The following CBX7 variants were observed in gnomAD, a reference collection of about 807,000 sequenced individuals.
The protein encoded by CBX7 is chromobox 7.
Under a neutral mutation model 31.4 loss-of-function variants are expected in CBX7, and 14 were observed. The observed-to-expected ratio is 0.45, with a 90% CI of 0.29 to 0.70. The LOEUF (loss-of-function observed/expected upper bound fraction) is 0.70. Among genes scored for constraint, CBX7 ranks in the 30% least tolerant of loss-of-function variants. The pLI is 0.11. For synonymous variants in CBX7, 159 were observed against 152.6 expected, an observed-to-expected ratio of 1.04 and a Z score of -0.31; for missense variants, 269 against 351.9, an observed-to-expected ratio of 0.76 and a Z score of 1.89.
At position 39,132,497 on chromosome 22, in the gene CBX7, A is replaced by C. The variant is rs1601552826; in HGVS notation, c.*1394T>G. On this transcript the variant is annotated 3_prime_UTR_variant, in exon 6 of 6. Transcript: ENST00000216133. ...GAGAAGTCACTCCTCACTGGCAGGG[A>C]AGCCACGGGCCCCCAGGACACCTTG... 1 of 152,440 alleles carries C rather than the reference A, an allele frequency of 6.6e-6. No individual in the cohort carries two copies. The highest frequency in any genetic ancestry group is 2.4e-5 in the African/African-American group (1 of 41,470). The allele number at this position is 152,440 out of a possible 1,614,324, so 9.4% of individuals were successfully genotyped here. A position where few individuals can be genotyped will look rare whatever the true frequency, so the allele number is the denominator to read the frequency against.
At chr22:39,139,906 G>A (rs1220224226) in intron 3 of CBX7, among the ~76,000 whole-genome samples, 5 of 151,842 alleles carry the variant, frequency 3.3e-5, no homozygotes, top group African/African-American at 1.2e-4. Context: ...CTCCAGCCTG[G>A]GAGACAGGGT....
chr22:39,139,510 G>A (rs909584438), intron 3 of CBX7, among the ~76,000 whole-genome samples: 6 of 152,080 alleles, frequency 3.9e-5, no homozygotes, highest in Admixed American at 6.5e-5. Flanking sequence ...AGACCATCCA[G>A]GCTAACACAG....
At chr22:39,138,573 G>A (rs1930338549) in intron 4 of CBX7, 63 bp downstream of exon 4, 10 of 1,468,896 alleles carry the variant, frequency 6.8e-6, no homozygotes, top group Non-Finnish European at 7.6e-6. Flanking sequence ...AATGCACCAA[G>A]GGGCAGAGGG....
chr22:39,136,948 T>A (rs1010189824), intron 4 of CBX7, among the ~76,000 whole-genome samples: 4 of 152,202 alleles, frequency 2.6e-5, no homozygotes. Flanking sequence ...AAAGCCTCCA[T>A]GGGTTTTAAT....
intron 2 of CBX7, among the ~76,000 whole-genome samples, chr22:39,145,988 G>A (rs1930648571): frequency 6.6e-6 from 1 of 152,156 alleles, no homozygotes; most frequent in Non-Finnish European, 1.5e-5. Context: ...CGGCCTTGGG[G>A]CAGGTGGAAC....
chr22:39,138,006 C>G (rs1259662431), intron 4 of CBX7, among the ~76,000 whole-genome samples: 1 of 151,992 alleles, frequency 6.6e-6, no homozygotes, highest in African/African-American at 2.4e-5. Flanking sequence ...ACGGTGAAAC[C>G]CCGTCTCTGC....
At chr22:39,137,430 C>T (rs1930293557) in intron 4 of CBX7, among the ~76,000 whole-genome samples, 1 of 152,086 alleles carries the variant, frequency 6.6e-6, no homozygotes, top group South Asian at 2.1e-4. Context: ...CTCCCTGCAA[C>T]CTCCACCTCC....
Position 39,133,630 on chromosome 22 carries a change from G to A in CBX7, c.*261C>T. The A allele has an allele frequency of 2.8e-6, 1 of 351,510 alleles. No homozygotes were observed. The highest frequency in any genetic ancestry group is 6.5e-5 in the South Asian group (1 of 15,420). 21.8% of individuals were successfully genotyped at this position (351,510 alleles called of 1,614,324 possible). ...GAGAATGATAATGGTGGTGTCCCGG[G>A]CAGGTGATCCTGTCCCCATCCTGCC... On this transcript the variant is annotated 3_prime_UTR_variant, in exon 6 of 6. Transcript: ENST00000216133.
chr22:39,140,959 C>A (rs1443396302), intron 3 of CBX7, among the ~76,000 whole-genome samples: 1 of 152,236 alleles, frequency 6.6e-6, no homozygotes, highest in African/African-American at 2.4e-5. Flanking sequence ...GAGACACCGT[C>A]TCTGATCTGT....
intron 2 of CBX7, among the ~76,000 whole-genome samples, chr22:39,143,325 A>T (rs1200607005): frequency 6.6e-6 from 1 of 151,974 alleles, no homozygotes; most frequent in Non-Finnish European, 1.5e-5. Flanking sequence ...AATAAATTAA[A>T]CTTTTTTAAA....
In CBX7 at chr22:39,140,737, G is replaced by C. The variant is rs879866498; in HGVS notation, c.179+634C>G. ...GACCTGGGCTGCCTGCTGGTGGGGG[G>C]GGCGGCCAGAGAGGGCACACAGAAC... On this transcript the variant is annotated intron_variant, in intron 3 of 5. Coordinates refer to ENST00000216133, the MANE Select transcript of CBX7 (RefSeq NM_175709.5). Among the ~76,000 whole-genome samples the C allele has an allele frequency of 6.2e-3, 945 of 152,322 alleles. 46 individuals are homozygous for C. Among genetic ancestry groups the C allele is most frequent in the Admixed American group, 0.057 (878 of 15,308 alleles).
intron 2 of CBX7, among the ~76,000 whole-genome samples, chr22:39,145,768 A>C (rs1029675275): frequency 1.1e-4 from 17 of 150,118 alleles, no homozygotes; most frequent in Non-Finnish European, 1.8e-4. Context: ...CGGCTCCGAG[A>C]TAAACACGGC....
Position 39,131,594 on chromosome 22 carries a change from C to T in CBX7, c.*2297G>A, listed in dbSNP as rs985758855. 6.6e-6 allele frequency: 1 copy of T among 152,316 alleles called. No individual in the cohort carries two copies. Among genetic ancestry groups the T allele is most frequent in the African/African-American group, 2.4e-5 (1 of 41,442 alleles). The allele number at this position is 152,316 out of a possible 1,614,324, so 9.4% of individuals were successfully genotyped here. ...AGGCCCACCCGTCCCAGGTCACACC[C>T]CTGGAGTTCAGCTCTCCCTGAGCCA... On this transcript the variant is annotated 3_prime_UTR_variant, in exon 6 of 6. Coordinates refer to ENST00000216133, the MANE Select transcript of CBX7 (RefSeq NM_175709.5).
At chr22:39,142,315 C>G (rs995687048) in intron 2 of CBX7, among the ~76,000 whole-genome samples, 1 of 152,172 alleles carries the variant, frequency 6.6e-6, no homozygotes, top group Non-Finnish European at 1.5e-5. Context: ...CAAACCCCAT[C>G]CCCATCCCCA....
chr22:39,146,480 G>A (rs1363090736), intron 2 of CBX7, among the ~76,000 whole-genome samples: 1 of 152,206 alleles, frequency 6.6e-6, no homozygotes, highest in African/African-American at 2.4e-5. Flanking sequence ...TTTGCCCTGG[G>A]TCACACAGCT....
rs1930898610 is a variant in CBX7, at chr22:39,152,484, C to T, written c.-40G>A. ...GAGCGGGCCCGGGGCCGGGCCGGGC[C>T]GGGGGCGGAGCTGCGGGGCCGCGGC... is the stretch of plus-strand genomic sequence containing the variant. On this transcript the variant is annotated 5_prime_UTR_variant, in exon 1 of 6. Coordinates refer to ENST00000216133, the MANE Select transcript of CBX7 (RefSeq NM_175709.5). This position sits in a 1 kb window ranked among gnomAD's most constrained non-coding sequence, Gnocchi z 4.9. 4 of 964,326 alleles carry T rather than the reference C, an allele frequency of 4.1e-6. No homozygotes were observed. In the South Asian group the frequency reaches 1.4e-4, roughly 34 times the overall value. The allele number at this position is 964,326 out of a possible 1,614,324, so 59.7% of individuals were successfully genotyped here.
At chr22:39,142,382 C>T (rs1335787011) in intron 2 of CBX7, among the ~76,000 whole-genome samples, 1 of 152,234 alleles carries the variant, frequency 6.6e-6, no homozygotes, top group Non-Finnish European at 1.5e-5. Context: ...CTGAAGTTCC[C>T]TTGTCTCTGG....
At chr22:39,150,808 G>A (rs1170590709) in intron 1 of CBX7, among the ~76,000 whole-genome samples, 1 of 152,168 alleles carries the variant, frequency 6.6e-6, no homozygotes, top group Admixed American at 6.5e-5. Context: ...CCCATTGTGA[G>A]TGAAGCCCCT....
chr22:39,149,133 C>T (rs139710959), intron 2 of CBX7: 2 of 152,496 alleles, frequency 1.3e-5, no homozygotes, highest in East Asian at 3.9e-4. Flanking sequence ...GATACAGCTC[C>T]CTGCCTCCCA....
Sources: gnomAD v4.1 joint callset for allele counts (sites outside exome capture counted in the v4.1 genomes callset) on GRCh38, gnomAD v4.1.1 for gene constraint, Gnocchi (gnomAD v3.1) non-coding constraint, MANE v1.5 for transcripts, NCBI Gene and HGNC (gene_info 2026-07-23, HGNC 2026-07-21) for gene names.